Variants in NKD1 observed in about 807,000 individuals in gnomAD.
The protein encoded by NKD1 is NKD inhibitor of Wnt signaling pathway 1.
A neutral mutation model predicts 56.0 loss-of-function variants in NKD1; 21 were observed. That is an observed-to-expected ratio of 0.38 (90% CI 0.27 to 0.54). The LOEUF is 0.54. Ranked by LOEUF, NKD1 falls within the 20% of genes least tolerant of loss-of-function variation. The probability of loss-of-function intolerance (pLI) is 0.82; values close to 1 mark genes in which losing one functional copy is unlikely to be tolerated. For missense variants in NKD1, 578 were observed against 642.7 expected (o/e 0.90, Z 1.09); for synonymous variants, 263 against 265.7 (o/e 0.99, Z 0.10).
chr16:50,606,687 T>C (rs1180326697), intron 3 of NKD1: 4 of 432,710 alleles, frequency 9.2e-6, no homozygotes, highest in East Asian at 1.5e-4. Flanking sequence ...AGACGTCTCA[T>C]TGATGCTGTC....
chr16:50,549,697 A>G, intron 3 of NKD1, 142 bp downstream of exon 3: 1 of 851,656 alleles, frequency 1.2e-6, no homozygotes, highest in South Asian at 2.0e-5. Context: ...CCCCTGCCCC[A>G]CCAACGCGAC....
Position 50,635,847 on chromosome 16 carries a change from C to T in NKD1, c.*2066C>T, listed in dbSNP as rs1274518311. 6.6e-6 allele frequency: 1 copy of T among 152,252 alleles called. No homozygotes were observed. The highest frequency in any genetic ancestry group is 1.5e-5 in the Non-Finnish European group (1 of 68,076). 9.4% of individuals were successfully genotyped at this position (152,252 alleles called of 1,614,324 possible). On this transcript the variant is annotated 3_prime_UTR_variant, in exon 10 of 10. Transcript: ENST00000268459. The surrounding 1 kb of genome is among the most constrained non-coding windows in gnomAD (Gnocchi z 4.1). ...GGGTTTCTGTTCAGTGAGAACGCAA[C>T]TCAATCCAAAGTGAATGAAACCAAG...
intron 7 of NKD1, 67 bp from the exon 8 acceptor site, chr16:50,630,759 C>A: frequency 7.2e-7 from 1 of 1,387,126 alleles, no homozygotes; most frequent in Non-Finnish European, 9.8e-7. Flanking sequence ...GCACGCCAGG[C>A]AGCCCTGGGG....
chr16:50,561,696 G>T (rs567773152), intron 3 of NKD1, among the ~76,000 whole-genome samples: 2 of 152,148 alleles, frequency 1.3e-5, no homozygotes, highest in Non-Finnish European at 2.9e-5. Flanking sequence ...AAGCAAAAAC[G>T]GCCAGGACTC....
intron 3 of NKD1, among the ~76,000 whole-genome samples, chr16:50,580,110 CCG>C (rs1430048691): frequency 6.6e-6 from 1 of 152,218 alleles, no homozygotes. Flanking sequence ...GCACCCCAAC[CCG>C]CTACACATGC....
At chr16:50,616,697 C>T (rs931342312) in intron 4 of NKD1, among the ~76,000 whole-genome samples, 5 of 152,180 alleles carry the variant, frequency 3.3e-5, no homozygotes, top group Non-Finnish European at 7.3e-5. Context: ...GTGAAGCAAT[C>T]AGAAGGTCCC....
At chr16:50,612,083 G>A (rs754442553) in intron 4 of NKD1, among the ~76,000 whole-genome samples, 1 of 152,194 alleles carries the variant, frequency 6.6e-6, no homozygotes, top group Non-Finnish European at 1.5e-5. Context: ...GTAGGGTCTG[G>A]CATGCTGTAT....
intron 2 of NKD1, 153 bp downstream of exon 2, chr16:50,548,902 T>A: frequency 1.2e-6 from 1 of 840,912 alleles, no homozygotes; most frequent in African/African-American, 1.9e-5. Flanking sequence ...TGAGCAGCCT[T>A]CGCGCCCCCT....
chr16:50,627,251 TTCATCACTGC>T (rs369293634), intron 6 of NKD1, among the ~76,000 whole-genome samples: 22 of 152,294 alleles, frequency 1.4e-4, no homozygotes, highest in African/African-American at 5.1e-4. Context: ...GGACAAGGTG[TTCATCACTGC>T]TCTGTTTCCT....
intron 2 of NKD1, among the ~76,000 whole-genome samples, 174 bp from the exon 3 acceptor site, chr16:50,549,248 A>AC (rs1237183599): frequency 4.3e-5 from 6 of 140,894 alleles, no homozygotes; most frequent in Non-Finnish European, 9.3e-5. Context: ...GCTTCGCTGA[A>AC]CCCCCCTTTA....
intron 8 of NKD1, among the ~76,000 whole-genome samples, chr16:50,631,538 A>C (rs1962346153): frequency 6.6e-6 from 1 of 152,196 alleles, no homozygotes; most frequent in African/African-American, 2.4e-5. Flanking sequence ...GGGGAAAGAA[A>C]AAACAGTTCA....
intron 3 of NKD1, among the ~76,000 whole-genome samples, chr16:50,578,505 A>G (rs1250499680): frequency 6.6e-6 from 1 of 152,052 alleles, no homozygotes; most frequent in Non-Finnish European, 1.5e-5. Context: ...TCAGCTGGCC[A>G]TGTCCAGCTC....
At chr16:50,613,700 G>A (rs1426717864) in intron 4 of NKD1, 1 of 127,550 alleles carries the variant, frequency 7.8e-6, no homozygotes, top group African/African-American at 2.9e-5. Context: ...GTAGCTCGGG[G>A]TTAGATTGTA....
intron 3 of NKD1, among the ~76,000 whole-genome samples, chr16:50,602,972 G>A (rs904647185): frequency 1.3e-5 from 2 of 152,192 alleles, no homozygotes; most frequent in South Asian, 2.1e-4. Flanking sequence ...TGTGAGCATC[G>A]TCCCAGGGTG....
At chr16:50,615,160 C>A (rs1961932297) in intron 4 of NKD1, among the ~76,000 whole-genome samples, 1 of 152,176 alleles carries the variant, frequency 6.6e-6, no homozygotes, top group African/African-American at 2.4e-5. Context: ...GAACAGGTGT[C>A]AGCTATTGTG....
intron 3 of NKD1, chr16:50,607,092 G>A (rs913900844): frequency 6.6e-6 from 3 of 451,156 alleles, no homozygotes; most frequent in African/African-American, 6.0e-5. Context: ...TGAAGTAAAT[G>A]GGACACCGGA....
chr16:50,584,341 TG>T (rs1330779233), intron 3 of NKD1, among the ~76,000 whole-genome samples: 3 of 152,220 alleles, frequency 2.0e-5, no homozygotes, highest in Admixed American at 6.5e-5. Context: ...GCAAGTCACG[TG>T]GCTAAGCCCA....
intron 3 of NKD1, chr16:50,574,769 T>A (rs1264929867): frequency 1.0e-6 from 1 of 985,330 alleles, no homozygotes; most frequent in Admixed American, 6.1e-5. Flanking sequence ...CTCCCTTTTC[T>A]TCTGAGCCCT....
chr16:50,617,306 T>C (rs1567350533), intron 4 of NKD1, among the ~76,000 whole-genome samples: 1 of 152,070 alleles, frequency 6.6e-6, no homozygotes, highest in African/African-American at 2.4e-5. Flanking sequence ...TTTTTTAAAC[T>C]GGGGGAGGGG....
Sources: allele counts gnomAD v4.1 joint callset (sites outside exome capture counted in the v4.1 genomes callset), GRCh38; gene constraint gnomAD v4.1.1; non-coding constraint Gnocchi (gnomAD v3.1); transcripts MANE v1.5; gene names NCBI Gene and HGNC (gene_info 2026-07-23, HGNC 2026-07-21).